Variants in GDAP1 observed in about 807,000 individuals in gnomAD.
GDAP1 encodes ganglioside-induced differentiation-associated protein 1.
GDAP1 carries 34 observed loss-of-function variants against 40.1 expected under a neutral mutation model. The observed-to-expected ratio is 0.85, with a 90% CI of 0.64 to 1.13. The LOEUF (loss-of-function observed/expected upper bound fraction) is 1.13, where lower values mean the gene tolerates loss of function less well. Ranked by LOEUF, GDAP1 falls within the 50% of genes most tolerant of loss-of-function variation. The pLI is 0.00. For missense variants in GDAP1, 374 were observed against 433.7 expected (o/e 0.86, Z 1.22); for synonymous variants, 170 against 157.4 (o/e 1.08, Z -0.60).
intron 2 of GDAP1, among the ~76,000 whole-genome samples, chr8:74,379,023 T>C (rs1276044635): frequency 6.6e-6 from 1 of 152,190 alleles, no homozygotes; most frequent in East Asian, 1.9e-4. Flanking sequence ...TGGGAGGGCA[T>C]GTCCTCTTGG....
At chr8:74,413,898 A>G (rs2131555249) in intron 2 of GDAP1, among the ~76,000 whole-genome samples, 1 of 149,820 alleles carries the variant, frequency 6.7e-6, no homozygotes, top group South Asian at 2.1e-4. Flanking sequence ...GAGAGGGAGA[A>G]CTTTGAGAAA....
chr8:74,359,183 C>T (rs1242905438), intron 2 of GDAP1, among the ~76,000 whole-genome samples: 3 of 152,214 alleles, frequency 2.0e-5, no homozygotes, highest in Admixed American at 2.0e-4. Flanking sequence ...CTAGCTCTGC[C>T]TCTAATTAGC....
chr8:74,389,069 G>T (rs969774155), intron 2 of GDAP1, among the ~76,000 whole-genome samples: 2 of 151,868 alleles, frequency 1.3e-5, no homozygotes, highest in African/African-American at 4.8e-5. Flanking sequence ...GAGCCTATTT[G>T]TGTCTTTTCT....
intron 2 of GDAP1, among the ~76,000 whole-genome samples, chr8:74,401,341 G>A (rs1159862194): frequency 1.3e-5 from 2 of 149,372 alleles, no homozygotes; most frequent in African/African-American, 5.1e-5. Flanking sequence ...CCAGTTGATC[G>A]CATTAGCTCC....
At chr8:74,405,124 A>G (rs1306609004) in intron 2 of GDAP1, among the ~76,000 whole-genome samples, 1 of 150,144 alleles carries the variant, frequency 6.7e-6, no homozygotes, top group African/African-American at 2.5e-5. Context: ...CAGTCATGGC[A>G]GAAGAGAAAG....
chr8:74,437,407 T>G (rs942525195), intron 2 of GDAP1, among the ~76,000 whole-genome samples: 6 of 152,180 alleles, frequency 3.9e-5, no homozygotes. Context: ...CACTATCAAA[T>G]TATATTAGTT....
At position 74,409,390 on chromosome 8, in the gene GDAP1, C is replaced by T. The variant is rs1052500301; in HGVS notation, c.165+58069C>T. On this transcript the variant is annotated intron_variant, in intron 2 of 2. Coordinates refer to the GDAP1 transcript ENST00000523640. ...TTTCTGAGACAGAGTCTTACTCTGT[C>T]GCCCAGACTGGAGTGCAGTGGTGCG... 3.3e-5 allele frequency among the ~76,000 whole-genome samples: 5 copies of T among 149,794 alleles called. 1 individual carries two copies. Among genetic ancestry groups the T allele is most frequent in the East Asian group, 1.9e-4 (1 of 5,176 alleles).
At chr8:74,478,658 C>G (rs1358930678) in intron 2 of GDAP1, among the ~76,000 whole-genome samples, 1 of 152,150 alleles carries the variant, frequency 6.6e-6, no homozygotes. Flanking sequence ...AGGCACAAGT[C>G]CAGCCTAGGG....
intron 2 of GDAP1, among the ~76,000 whole-genome samples, chr8:74,381,242 C>T (rs1158908280): frequency 6.6e-6 from 1 of 152,032 alleles, no homozygotes; most frequent in Non-Finnish European, 1.5e-5. Flanking sequence ...AAAGTAATTA[C>T]ATACATGTAC....
rs1212807983 is a variant in GDAP1, at chr8:74,366,137, A to G, written c.*1770A>G. On this transcript the variant is annotated 3_prime_UTR_variant, in exon 6 of 6. Coordinates refer to ENST00000220822, the MANE Select transcript of GDAP1 (RefSeq NM_018972.4). ...TTTCCTTCAATTTATATTATTCCTGAATCATAGGGAATCTTTCTAGAATGT... is the reference window on the plus strand; with the variant it reads ...TTTCCTTCAATTTATATTATTCCTGGATCATAGGGAATCTTTCTAGAATGT... The G allele has an allele frequency of 1.1e-5, 5 of 450,730 alleles. No homozygotes were observed. The East Asian group carries it at 3.5e-4, about 31-fold the overall frequency. 27.9% of individuals were successfully genotyped at this position (450,730 alleles called of 1,614,324 possible). A position where few individuals can be genotyped will look rare whatever the true frequency, so the allele number is the denominator to read the frequency against.
intron 2 of GDAP1, among the ~76,000 whole-genome samples, chr8:74,420,934 A>G (rs1265336965): frequency 2.6e-5 from 4 of 151,994 alleles, no homozygotes; most frequent in South Asian, 4.2e-4. Context: ...CTTTTTTATT[A>G]TAAGTATTTT....
At position 74,363,966 on chromosome 8, in the gene GDAP1, T is replaced by C. The variant is rs186937108; in HGVS notation, c.695-19T>C. 17 of 1,612,510 alleles carry C rather than the reference T, an allele frequency of 1.1e-5. No homozygotes were observed. The highest frequency in any genetic ancestry group is 1.4e-5 in the Non-Finnish European group (17 of 1,178,462). On this transcript the variant is annotated intron_variant, in intron 5 of 5. Coordinates refer to ENST00000220822, the MANE Select transcript of GDAP1 (RefSeq NM_018972.4). ...TAGAGTGCTTGCCTCTAATTCTCTA[T>C]GTCCCTTTCTCTAATTAGAAGAGGG... is the stretch of plus-strand genomic sequence containing the variant.
intron 2 of GDAP1, among the ~76,000 whole-genome samples, chr8:74,476,384 G>A (rs182548563): frequency 6.6e-6 from 1 of 152,250 alleles, no homozygotes; most frequent in Admixed American, 6.5e-5. Context: ...AGTGTCAATG[G>A]TCTGTGTATT....
intron 2 of GDAP1, among the ~76,000 whole-genome samples, chr8:74,469,988 T>TAAA (rs1806527214): frequency 6.6e-6 from 1 of 151,944 alleles, no homozygotes. Flanking sequence ...AAAATAAAAA[T>TAAA]AAAAATAAAA....
Position 74,364,277 on chromosome 8 carries a change from T to C in GDAP1, c.987T>C (p.Leu329=). 1 of 1,614,174 alleles carries C rather than the reference T, an allele frequency of 6.2e-7. No homozygotes were observed. The highest frequency in any genetic ancestry group is 8.5e-7 in the Non-Finnish European group (1 of 1,179,998). The change falls in exon 6 of 6, where the codon CTT becomes CTC. Residue 329 remains leucine, a synonymous_variant. Transcript: ENST00000220822. The part of the protein sequence containing the change: ...VLGTTLVVGL[L]AGVGYFAFML... The stretch of plus-strand genomic sequence containing the variant: ...GCACGACCCTTGTGGTTGGTTTGCT[T>C]GCAGGAGTGGGATATTTTGCTTTTA...
At chr8:74,367,494 C>T (rs184403199), downstream of GDAP1, among the ~76,000 whole-genome samples, 275 of 152,018 alleles carry the variant, frequency 1.8e-3, 1 homozygote, top group African/African-American at 6.3e-3. Flanking sequence ...GGAAAGTCAC[C>T]TGAATATCTA....
At position 74,365,527 on chromosome 8, in the gene GDAP1, T is replaced by C. The variant is rs77169931; in HGVS notation, c.*1160T>C. On this transcript the variant is annotated 3_prime_UTR_variant, in exon 6 of 6. Coordinates refer to ENST00000220822, the MANE Select transcript of GDAP1 (RefSeq NM_018972.4). ...GTCTTTCATGGTGACAGGAAGACAG[T>C]TTCCCTGGAGCTGGCCATGAAGGCC... The C allele has an allele frequency of 1.8e-5, 8 of 454,342 alleles. No homozygotes were observed. Among genetic ancestry groups the C allele is most frequent in the African/African-American group, 1.4e-4 (7 of 50,076 alleles). 28.1% of individuals were successfully genotyped at this position (454,342 alleles called of 1,614,324 possible).
At chr8:74,436,460 T>C (rs1479593839) in intron 2 of GDAP1, among the ~76,000 whole-genome samples, 1 of 151,432 alleles carries the variant, frequency 6.6e-6, no homozygotes, top group Non-Finnish European at 1.5e-5. Context: ...TCTCACTCTG[T>C]TGCCCAAGCT....
At chr8:74,463,268 A>T (rs1269959054) in intron 2 of GDAP1, among the ~76,000 whole-genome samples, 1 of 142,506 alleles carries the variant, frequency 7.0e-6, no homozygotes, top group Non-Finnish European at 1.5e-5. Flanking sequence ...CCTTAGGAAC[A>T]TAGGGAGACC....
Sources: gnomAD v4.1 joint callset for allele counts (sites outside exome capture counted in the v4.1 genomes callset) on GRCh38, gnomAD v4.1.1 for gene constraint, MANE v1.5 for transcripts, NCBI Gene and HGNC (gene_info 2026-07-23, HGNC 2026-07-21) for gene names.